Variants in GSTP1 observed in about 807,000 individuals in gnomAD.
GSTP1 encodes glutathione S-transferase P.
Under a neutral mutation model 29.4 loss-of-function variants are expected in GSTP1, and 28 were observed. That is an observed-to-expected ratio of 0.95 (90% confidence interval 0.71 to 1.30). The LOEUF (loss-of-function observed/expected upper bound fraction) is 1.30. Ranked by LOEUF, GSTP1 falls within the 50% of genes most tolerant of loss-of-function variation. GSTP1 has a pLI of 0.00. For missense variants in GSTP1, 267 were observed against 266.1 expected, an observed-to-expected ratio of 1.00 and a Z score of -0.02; for synonymous variants, 122 against 117.0, an observed-to-expected ratio of 1.04 and a Z score of -0.28.
intron 4 of GSTP1, 127 bp downstream of exon 4, chr11:67,584,899 A>C (rs1038662962): frequency 4.1e-5 from 32 of 774,570 alleles, no homozygotes; most frequent in Non-Finnish European, 6.9e-5. Flanking sequence ...GAGGTTACGT[A>C]GTTTGCCCAA....
At chr11:67,584,060 G>T (rs1079719) in intron 1 of GSTP1, 74 bp from the exon 2 acceptor site, 2 of 1,261,998 alleles carry the variant, frequency 1.6e-6, no homozygotes, top group African/African-American at 1.4e-5. Context: ...GGGCGGGGAG[G>T]GGGGGCAGAC....
At chr11:67,584,052 G>A in intron 1 of GSTP1, 82 bp from the exon 2 acceptor site, 4 of 1,111,524 alleles carry the variant, frequency 3.6e-6, no homozygotes, top group Non-Finnish European at 5.3e-6. Flanking sequence ...GACCCCGGGG[G>A]CGGGGAGGGG....
chr11:67,583,870 G>C (rs768423486), intron 1 of GSTP1, 26 bp downstream of exon 1: 3 of 740,204 alleles, frequency 4.1e-6, no homozygotes, highest in South Asian at 2.9e-5. Flanking sequence ...CCGCGTCCCC[G>C]GGGATGGGGC....
rs1247344619 is a variant in GSTP1 at position 67,586,514 on chromosome 11, C to G, written c.570C>G (p.Leu190=). 6.2e-7 allele frequency: 1 copy of G among 1,614,212 alleles called. No homozygotes were observed. Among genetic ancestry groups the G allele is most frequent in the African/African-American group, 1.3e-5 (1 of 75,068 alleles). Residue 190 remains leucine, a synonymous_variant, in exon 7 of 7, where the codon CTC becomes CTG. Coordinates refer to ENST00000398606, the MANE Select transcript of GSTP1 (RefSeq NM_000852.4). ...GGCGCCTCAGTGCCCGGCCCAAGCT[C>G]AAGGCCTTCCTGGCCTCCCCTGAGT... is the stretch of plus-strand genomic sequence containing the variant. The part of the protein sequence containing the change: ...YVGRLSARPK[L]KAFLASPEYV...
In GSTP1 at chr11:67,585,200, G is replaced by T. The variant is rs1180757968; in HGVS notation, c.295G>T (p.Asp99Tyr). The T allele has an allele frequency of 6.2e-7, 1 of 1,610,860 alleles. No individual in the cohort carries two copies. The highest frequency in any genetic ancestry group is 8.5e-7 in the Non-Finnish European group (1 of 1,178,402). The part of the protein sequence containing the change: ...LVDMVNDGVE[D>Y]LRCKYISLIY... ...GGACATGGTGAATGACGGCGTGGAGGACCTCCGCTGCAAATACATCTCCCT... is the reference window on the plus strand; with the variant it reads ...GGACATGGTGAATGACGGCGTGGAGTACCTCCGCTGCAAATACATCTCCCT... Residue 99 changes from aspartate (D) to tyrosine (Y), a missense_variant, in exon 5 of 7, where the codon GAC becomes TAC. Coordinates refer to ENST00000398606, the MANE Select transcript of GSTP1 (RefSeq NM_000852.4).
chr11:67,586,495 T>C lies in GSTP1; in HGVS notation c.551T>C (p.Leu184Pro). The C allele has an allele frequency of 6.2e-7, 1 of 1,614,000 alleles. No individual in the cohort carries two copies. Among genetic ancestry groups the C allele is most frequent in the Non-Finnish European group, 8.5e-7 (1 of 1,179,862 alleles). ...FPLLSAYVGR[L>P]SARPKLKAFL... ...CTGCTCTCAGCATATGTGGGGCGCC[T>C]CAGTGCCCGGCCCAAGCTCAAGGCC... Residue 184 changes from leucine (L) to proline (P), a missense_variant, in exon 7 of 7, where the codon CTC becomes CCC. Physicochemically the swap from Leu to Pro is moderately conservative, Grantham distance 98. Coordinates refer to ENST00000398606, the MANE Select transcript of GSTP1 (RefSeq NM_000852.4).
At position 67,584,191 on chromosome 11, in the gene GSTP1, G is replaced by C. The variant is rs567946035; in HGVS notation, c.37+22G>C. The C allele has an allele frequency of 5.0e-6, 8 of 1,600,278 alleles. No individual in the cohort carries two copies. The African/African-American group carries it at 1.1e-4, about 21-fold the overall frequency. On this transcript the variant is annotated intron_variant, in intron 2 of 6. Coordinates refer to ENST00000398606, the MANE Select transcript of GSTP1 (RefSeq NM_000852.4). ...CGAGGTAGGAGCATGTGTCTGGCAG[G>C]GAAGGGAGGCAGGGGCTGGGGCTGC...
chr11:67,584,249 C>A, intron 2 of GSTP1, 80 bp downstream of exon 2: 2 of 1,145,346 alleles, frequency 1.7e-6, no homozygotes, highest in Non-Finnish European at 2.6e-6. Context: ...CGGAGAGATC[C>A]GAACCCCCTT....
intron 1 of GSTP1, 74 bp from the exon 2 acceptor site, chr11:67,584,038 ATGGGACCCCGGGGGCGGGGAGG>A: frequency 1.1e-6 from 1 of 917,806 alleles, no homozygotes; most frequent in Non-Finnish European, 1.6e-6. Flanking sequence ...TCGGGGAGGG[ATGGGACCCCGGGGGCGGGGAGG>A]GGGGGCAGAC....
intron 4 of GSTP1, 52 bp downstream of exon 4, chr11:67,584,824 C>A (rs765314940): frequency 7.6e-7 from 1 of 1,320,336 alleles, no homozygotes; most frequent in Non-Finnish European, 1.1e-6. Flanking sequence ...CCTCTGCCCC[C>A]GGAGCCCTTT....
Position 67,584,141 on chromosome 11 carries a change from C to T in GSTP1, c.9C>T (p.Pro3=). 6.2e-7 allele frequency: 1 copy of T among 1,612,954 alleles called. No homozygotes were observed. Among genetic ancestry groups the T allele is most frequent in the Non-Finnish European group, 8.5e-7 (1 of 1,179,006 alleles). MP[P]YTVVYFPVRG... is the part of the protein sequence containing the mutation. ...TTTCTTTGTTCGCTGCAGTGCCGCC[C>T]TACACCGTGGTCTATTTCCCAGTTC... Residue 3 remains proline, a synonymous_variant, in exon 2 of 7, where the codon CCC becomes CCT. Coordinates refer to ENST00000398606, the MANE Select transcript of GSTP1 (RefSeq NM_000852.4).
At chr11:67,584,096 C>A (rs765244213) in intron 1 of GSTP1, 38 bp from the exon 2 acceptor site, 2 of 1,578,150 alleles carry the variant, frequency 1.3e-6, no homozygotes, top group African/African-American at 2.7e-5. Flanking sequence ...TTGGCATCCT[C>A]CCCCGGGCTC....
intron 4 of GSTP1, 95 bp downstream of exon 4, chr11:67,584,867 G>A: frequency 3.1e-6 from 3 of 980,902 alleles, no homozygotes; most frequent in Non-Finnish European, 4.9e-6. Flanking sequence ...GCCCTCTGGA[G>A]TGGAGGAAAC....
chr11:67,585,316 C>T, intron 5 of GSTP1, 75 bp downstream of exon 5: 1 of 1,047,272 alleles, frequency 9.5e-7, no homozygotes. Context: ...ACCCCCCTTA[C>T]CCCTCAGGTG....
At chr11:67,584,095 TCC>T in intron 1 of GSTP1, 37 bp from the exon 2 acceptor site, 1 of 1,574,414 alleles carries the variant, frequency 6.4e-7, no homozygotes, top group Non-Finnish European at 8.7e-7. Flanking sequence ...CTTGGCATCC[TCC>T]CCCGGGCTCC....
At position 67,586,121 on chromosome 11, in the gene GSTP1, CTA is replaced by C. The variant is rs764615644; in HGVS notation, c.356_357del (p.Tyr119CysfsTer12). 2 of 1,613,406 alleles carry C rather than the reference CTA, an allele frequency of 1.2e-6. No individual in the cohort carries two copies. The highest frequency in any genetic ancestry group is 3.3e-5 in the Admixed American group (2 of 59,972). ...TCTGGCAGGAGGCGGGCAAGGATGA[CTA>C]TGTGAAGGCACTGCCCGGGCAACTG... is the stretch of plus-strand genomic sequence containing the variant. ...YTNYEAGKDD[Y>X]VKALPGQLKP... is the part of the protein sequence containing the mutation. On this transcript the variant is annotated frameshift_variant, in exon 6 of 7. Transcript: ENST00000398606. LOFTEE classifies it high-confidence loss of function.
Position 67,586,566 on chromosome 11 carries a change from G to A in GSTP1, c.622G>A (p.Gly208Arg), listed in dbSNP as rs751328497. The A allele has an allele frequency of 6.8e-6, 11 of 1,612,502 alleles. No homozygotes were observed. In the Admixed American group the frequency reaches 8.4e-5, roughly 12 times the overall value. ...CGTGAACCTCCCCATCAATGGCAACGGGAAACAGTGAGGGTTGGGGGGACT... is the reference window on the plus strand; with the variant it reads ...CGTGAACCTCCCCATCAATGGCAACAGGAAACAGTGAGGGTTGGGGGGACT... ...EYVNLPINGN[G>R]KQ Residue 208 changes from glycine (G) to arginine (R), a missense_variant, in exon 7 of 7, where the codon GGG becomes AGG. Physicochemically the swap from Gly to Arg is moderately radical, Grantham distance 125. Transcript: ENST00000398606.
Position 67,584,178 on chromosome 11 carries a change from A to T in GSTP1, c.37+9A>T. 6.2e-7 allele frequency: 1 copy of T among 1,609,110 alleles called. No individual in the cohort carries two copies. Among genetic ancestry groups the T allele is most frequent in the Non-Finnish European group, 8.5e-7 (1 of 1,175,864 alleles). On this transcript the variant is annotated intron_variant, in intron 2 of 6. Transcript: ENST00000398606. ...CTATTTCCCAGTTCGAGGTAGGAGC[A>T]TGTGTCTGGCAGGGAAGGGAGGCAG...
intron 1 of GSTP1, 59 bp from the exon 2 acceptor site, chr11:67,584,075 C>A: frequency 1.4e-6 from 2 of 1,441,930 alleles, no homozygotes; most frequent in Non-Finnish European, 1.9e-6. Context: ...GCAGACTGCG[C>A]TCACCGCGCC....
Sources: allele counts gnomAD v4.1 joint callset, GRCh38; gene constraint gnomAD v4.1.1; transcripts MANE v1.5; gene names NCBI Gene and HGNC (gene_info 2026-07-23, HGNC 2026-07-21).